The following LRP2 variants were observed in gnomAD, a reference collection of about 807,000 sequenced individuals.
LRP2 encodes the protein low-density lipoprotein receptor-related protein 2.
LRP2 carries 172 observed loss-of-function variants against 531.0 expected under a neutral mutation model. That is an observed-to-expected ratio of 0.32 (90% CI 0.29 to 0.37). The LOEUF (loss-of-function observed/expected upper bound fraction) is 0.37. Ranked by LOEUF, LRP2 falls within the 10% of genes least tolerant of loss-of-function variation. The probability of loss-of-function intolerance (pLI) is 1.00; values close to 1 mark genes in which losing one functional copy is unlikely to be tolerated. For missense variants in LRP2, 5,167 were observed against 5,868.3 expected (o/e 0.88, Z 3.90); for synonymous variants, 1,992 against 2,027.6 (o/e 0.98, Z 0.47).
In LRP2 at chr2:169,206,745, A is replaced by T. The variant is rs1178171223; in HGVS notation, c.6975T>A (p.Asp2325Glu). ...GGACTTGCTTGTCAAAGATGGTCACATCTCTTAGCCAGTTGATATTGTCTC... is the reference window on the plus strand; with the variant it reads ...GGACTTGCTTGTCAAAGATGGTCACTTCTCTTAGCCAGTTGATATTGTCTC... ...VIRDNINWLR[D>E]VTIFDKQVQP... The change falls in exon 39 of 79, where the codon GAT becomes GAA. Residue 2325 changes from aspartate to glutamate, a missense_variant. Coordinates refer to ENST00000649046, the MANE Select transcript of LRP2 (RefSeq NM_004525.3). 6.2e-7 allele frequency: 1 copy of T among 1,614,142 alleles called. No homozygotes were observed. The highest frequency in any genetic ancestry group is 1.7e-5 in the Admixed American group (1 of 60,016).
intron 46 of LRP2, 96 bp from the exon 47 acceptor site, chr2:169,193,988 T>C: frequency 7.5e-7 from 1 of 1,325,258 alleles, no homozygotes; most frequent in Non-Finnish European, 1.1e-6. Context: ...CTAGAAAACC[T>C]GAAACAGAGC....
At chr2:169,323,592 T>C (rs1407304712) in intron 1 of LRP2, among the ~76,000 whole-genome samples, 1 of 151,288 alleles carries the variant, frequency 6.6e-6, no homozygotes, top group African/African-American at 2.4e-5. Context: ...AAGTTTTATC[T>C]AGATATTATC....
chr2:169,239,383 T>C (rs1689723038), intron 26 of LRP2, 144 bp downstream of exon 26: 3 of 1,381,676 alleles, frequency 2.2e-6, no homozygotes, highest in Non-Finnish European at 2.0e-6. Context: ...TCACAAAAAA[T>C]TGAGGTTTAA....
At chr2:169,227,989 C>A (rs1488683401) in intron 31 of LRP2, among the ~76,000 whole-genome samples, 4 of 152,186 alleles carry the variant, frequency 2.6e-5, no homozygotes, top group African/African-American at 9.7e-5. Context: ...AGCTGCTCCA[C>A]ATTGCCTCTC....
intron 5 of LRP2, 133 bp downstream of exon 5, chr2:169,294,467 C>T: frequency 1.3e-6 from 1 of 783,686 alleles, no homozygotes; most frequent in Non-Finnish European, 2.2e-6. Flanking sequence ...AATACTCCTA[C>T]CAACGGCTGA....
chr2:169,189,529 A>G (rs893800427), intron 48 of LRP2, among the ~76,000 whole-genome samples: 34 of 152,230 alleles, frequency 2.2e-4, no homozygotes, highest in Non-Finnish European at 4.1e-4. Flanking sequence ...CCAAGCTTTC[A>G]GACACTATTG....
chr2:169,238,332 A>G (rs772563496), intron 26 of LRP2, 30 bp from the exon 27 acceptor site: 65 of 1,434,188 alleles, frequency 4.5e-5, no homozygotes, highest in Non-Finnish European at 6.3e-5. Flanking sequence ...AAAAATGTCA[A>G]TGATACTGGG....
chr2:169,261,449 A>C (rs1411481125), intron 16 of LRP2, among the ~76,000 whole-genome samples: 1 of 151,552 alleles, frequency 6.6e-6, no homozygotes, highest in Non-Finnish European at 1.5e-5. Context: ...AGTATCTGGC[A>C]CTACACCACA....
chr2:169,246,733 G>A lies in LRP2; in HGVS notation c.3162C>T (p.Asn1054=), dbSNP rs1423518260. 2 of 1,613,988 alleles carry A rather than the reference G, an allele frequency of 1.2e-6. No homozygotes were observed. Among genetic ancestry groups the A allele is most frequent in the South Asian group, 1.1e-5 (1 of 91,070 alleles). Residue 1054 remains asparagine (N), a synonymous_variant, in exon 21 of 79, where the codon AAC becomes AAT. Transcript: ENST00000649046. Reference sequence around the variant, plus strand: ...GTGTGCCACATAGTTGCTCATCACTGTTATCATGACAATCATCGACTCCAT... The same window carrying A: ...GTGTGCCACATAGTTGCTCATCACTATTATCATGACAATCATCGACTCCAT... The part of the protein sequence containing the change: ...LCDGVDDCHD[N]SDEQLCGTLN...
chr2:169,330,380 A>G (rs974803864), intron 1 of LRP2, among the ~76,000 whole-genome samples: 4 of 152,194 alleles, frequency 2.6e-5, no homozygotes, highest in African/African-American at 4.8e-5. Flanking sequence ...CAGCCTCTCA[A>G]TTCTGAGCAA....
chr2:169,251,820 C>A (rs1690183957), intron 19 of LRP2, among the ~76,000 whole-genome samples: 1 of 83,760 alleles, frequency 1.2e-5, no homozygotes, highest in African/African-American at 6.6e-5. Flanking sequence ...CACCACCGAT[C>A]CCACAGAAAT....
intron 24 of LRP2, 115 bp from the exon 25 acceptor site, chr2:169,241,480 T>C: frequency 9.3e-7 from 1 of 1,076,726 alleles, no homozygotes; most frequent in Non-Finnish European, 1.4e-6. Context: ...GTAACAACTA[T>C]GACCAAATTA....
chr2:169,301,580 GC>G (rs1290967448), intron 4 of LRP2, among the ~76,000 whole-genome samples: 1 of 151,962 alleles, frequency 6.6e-6, no homozygotes, highest in African/African-American at 2.4e-5. Context: ...AATACCTTAT[GC>G]ATATAAAGAT....
Position 169,282,853 on chromosome 2 carries a change from G to C in LRP2, c.1171+20C>G. ...AATCTGTTCACTGTTCAGAGACACAGGTGTCCATAATTTACTCACAGGAAT... is the reference window on the plus strand; with the variant it reads ...AATCTGTTCACTGTTCAGAGACACACGTGTCCATAATTTACTCACAGGAAT... On this transcript the variant is annotated intron_variant, in intron 10 of 78. Coordinates refer to ENST00000649046, the MANE Select transcript of LRP2 (RefSeq NM_004525.3). 6.2e-7 allele frequency: 1 copy of C among 1,611,786 alleles called. No individual in the cohort carries two copies. Among genetic ancestry groups the C allele is most frequent in the Non-Finnish European group, 8.5e-7 (1 of 1,177,998 alleles).
Position 169,165,048 on chromosome 2 carries a change from C to T in LRP2, c.11758+884G>A, listed in dbSNP as rs1460962037. ...GCCAGTAATAATGATAACAGGAATA[C>T]GAACTTGAAGGTTGTGGTAGTGTCA... On this transcript the variant is annotated intron_variant, in intron 62 of 78. Coordinates refer to ENST00000649046, the MANE Select transcript of LRP2 (RefSeq NM_004525.3). 2.6e-5 allele frequency among the ~76,000 whole-genome samples: 4 copies of T among 152,120 alleles called. No individual in the cohort carries two copies. In the East Asian group the frequency reaches 5.8e-4, roughly 22 times the overall value.
intron 4 of LRP2, among the ~76,000 whole-genome samples, chr2:169,307,065 T>C (rs1684439402): frequency 6.6e-6 from 1 of 152,184 alleles, no homozygotes; most frequent in South Asian, 2.1e-4. Context: ...TACAGAAACT[T>C]GATGCACTAA....
rs369652193 is a variant in LRP2 at position 169,128,614 on chromosome 2, T to G, written c.*49A>C. On this transcript the variant is annotated 3_prime_UTR_variant, in exon 79 of 79. Coordinates refer to ENST00000649046, the MANE Select transcript of LRP2 (RefSeq NM_004525.3). The stretch of plus-strand genomic sequence containing the variant: ...ACTTTTTTCATCTGTTTGTAAAAAA[T>G]ATATGTGCAAAAGTGTGTTTCTAAT... 6.4e-7 allele frequency: 1 copy of G among 1,559,092 alleles called. No individual in the cohort carries two copies. Among genetic ancestry groups the G allele is most frequent in the Non-Finnish European group, 8.8e-7 (1 of 1,130,566 alleles).
chr2:169,341,412 C>T (rs894273805), intron 1 of LRP2, among the ~76,000 whole-genome samples: 2 of 152,182 alleles, frequency 1.3e-5, no homozygotes, highest in African/African-American at 4.8e-5. Context: ...ATTCCCCAGG[C>T]ATTTATGGAG....
chr2:169,326,150 CCCTCT>C, intron 1 of LRP2, among the ~76,000 whole-genome samples: 1 of 70,940 alleles, frequency 1.4e-5, no homozygotes, highest in African/African-American at 7.4e-5. Flanking sequence ...CTCTCCCTCT[CCCTCT>C]CCCTCTCCCT....
Sources: allele counts gnomAD v4.1 joint callset (sites outside exome capture counted in the v4.1 genomes callset), GRCh38; gene constraint gnomAD v4.1.1; transcripts MANE v1.5; gene names NCBI Gene and HGNC (gene_info 2026-07-23, HGNC 2026-07-21).